The following EDNRB variants were observed in gnomAD, a reference collection of about 807,000 sequenced individuals.
The protein encoded by EDNRB is endothelin receptor type B, also known as Hirschsprung disease 2.
Under a neutral mutation model 46.4 loss-of-function variants are expected in EDNRB, and 18 were observed. The observed-to-expected ratio is 0.39, with a 90% CI of 0.27 to 0.57. The LOEUF (loss-of-function observed/expected upper bound fraction) is 0.57, where lower values mean the gene tolerates loss of function less well. Ranked by LOEUF, EDNRB falls within the 20% of genes least tolerant of loss-of-function variation. The pLI is 0.61. For missense variants in EDNRB, 434 were observed against 537.5 expected, an observed-to-expected ratio of 0.81 and a Z score of 1.90; for synonymous variants, 213 against 204.9, an observed-to-expected ratio of 1.04 and a Z score of -0.34.
At chr13:77,959,324 G>T (rs753974281) in intron 1 of EDNRB, among the ~76,000 whole-genome samples, 6 of 152,152 alleles carry the variant, frequency 3.9e-5, no homozygotes, top group Admixed American at 6.5e-5. Context: ...ACATGGCCAG[G>T]TTCCCCTCTG....
upstream of EDNRB, among the ~76,000 whole-genome samples, chr13:77,921,671 G>A (rs1367107623): frequency 2.0e-5 from 3 of 152,186 alleles, no homozygotes; most frequent in Non-Finnish European, 4.4e-5. Flanking sequence ...TGCAATTGAA[G>A]TTTAACCTTA....
chr13:77,974,617 T>TCTCTCTCTCTCCTCTCTGC (rs1881831139), intron 1 of EDNRB, among the ~76,000 whole-genome samples: 1 of 11,040 alleles, frequency 9.1e-5, no homozygotes, highest in Non-Finnish European at 2.7e-4. Flanking sequence ...CCTCTCTGCC[T>TCTCTCTCTCTCCTCTCTGC]CTCTCTCTCT....
intron 1 of EDNRB, among the ~76,000 whole-genome samples, chr13:77,915,354 G>A (rs1338846034): frequency 6.6e-6 from 1 of 152,148 alleles, no homozygotes; most frequent in Admixed American, 6.5e-5. Flanking sequence ...ATTCTACTGT[G>A]GGATAGCATA....
In EDNRB at chr13:77,918,578, C is replaced by G. The variant is rs372650610; in HGVS notation, c.-5G>C. The G allele has an allele frequency of 6.3e-7, 1 of 1,590,246 alleles. No individual in the cohort carries two copies. Among genetic ancestry groups the G allele is most frequent in the South Asian group, 1.1e-5 (1 of 87,472 alleles). ...CAGACTTGGAGGCGGCTGCATGCTG[C>G]TACCTGCTCCAGAAGGCGTCCGGTG... is the stretch of plus-strand genomic sequence containing the variant. On this transcript the variant is annotated 5_prime_UTR_variant, in exon 1 of 7. Transcript: ENST00000646607. The surrounding 1 kb of genome is among the most constrained non-coding windows in gnomAD (Gnocchi z 4.5).
At chr13:77,900,958 T>C in intron 4 of EDNRB, 100 bp downstream of exon 4, 6 of 1,396,046 alleles carry the variant, frequency 4.3e-6, no homozygotes, top group East Asian at 2.4e-5. Flanking sequence ...AAATATGCTC[T>C]GGTATATAAT....
At chr13:77,945,681 C>A (rs1880883281) in intron 1 of EDNRB, among the ~76,000 whole-genome samples, 1 of 151,970 alleles carries the variant, frequency 6.6e-6, no homozygotes, top group South Asian at 2.1e-4. Context: ...CTTAAATCAA[C>A]AAAAGACATA....
chr13:77,937,067 C>T (rs1880589964), intron 1 of EDNRB, among the ~76,000 whole-genome samples: 1 of 152,136 alleles, frequency 6.6e-6, no homozygotes, highest in Admixed American at 6.5e-5. Flanking sequence ...TGATAAAATG[C>T]ATATTAAGAA....
At chr13:77,972,543 T>C (rs1299178541) in intron 1 of EDNRB, among the ~76,000 whole-genome samples, 1 of 152,174 alleles carries the variant, frequency 6.6e-6, no homozygotes, top group Non-Finnish European at 1.5e-5. Flanking sequence ...GACTCCTGGT[T>C]GGCACTGGGG....
chr13:77,928,590 C>T (rs1000840074), intron 1 of EDNRB, among the ~76,000 whole-genome samples: 7 of 152,162 alleles, frequency 4.6e-5, no homozygotes, highest in African/African-American at 1.4e-4. Flanking sequence ...CCTAACAACA[C>T]ATTTAAGTTT....
Position 77,896,592 on chromosome 13 carries a change from A to G in EDNRB, c.*1608T>C, listed in dbSNP as rs1013529532. On this transcript the variant is annotated 3_prime_UTR_variant, in exon 7 of 7. Coordinates refer to ENST00000646607, the MANE Select transcript of EDNRB (RefSeq NM_001122659.3). ...AGAAAAACAAAGTAAAAATTTGGGC[A>G]TATTTTAAGACCGAGTTAAAGCTCT... The G allele has an allele frequency of 9.1e-6, 14 of 1,544,020 alleles. No individual in the cohort carries two copies. The Admixed American group carries it at 1.8e-4, about 20-fold the overall frequency.
At chr13:77,961,846 T>C (rs948412186) in intron 1 of EDNRB, among the ~76,000 whole-genome samples, 5 of 152,084 alleles carry the variant, frequency 3.3e-5, no homozygotes, top group African/African-American at 1.2e-4. Context: ...CAGGAGCTGG[T>C]TTTTTGAAAA....
At chr13:77,908,289 A>G (rs918097823) in intron 1 of EDNRB, among the ~76,000 whole-genome samples, 8 of 151,970 alleles carry the variant, frequency 5.3e-5, no homozygotes, top group African/African-American at 1.9e-4. Flanking sequence ...ACTCTGTGAC[A>G]GAAACCATGC....
At chr13:77,955,356 A>T (rs1400759143) in intron 1 of EDNRB, among the ~76,000 whole-genome samples, 2 of 152,148 alleles carry the variant, frequency 1.3e-5, no homozygotes, top group African/African-American at 4.8e-5. Flanking sequence ...AGTTTCTTAT[A>T]TACTTTGGAT....
intron 1 of EDNRB, among the ~76,000 whole-genome samples, chr13:77,940,277 AG>A (rs1193409459): frequency 6.6e-6 from 1 of 151,966 alleles, no homozygotes; most frequent in Non-Finnish European, 1.5e-5. Flanking sequence ...AAAAGGACAG[AG>A]GGAAGACATA....
In EDNRB at chr13:77,896,947, A is replaced by C. The variant is rs201829666; in HGVS notation, c.*1253T>G. 9.2e-5 allele frequency: 91 copies of C among 992,726 alleles called. No individual in the cohort carries two copies. In the African/African-American group the frequency reaches 1.2e-3, roughly 13 times the overall value. The allele number at this position is 992,726 out of a possible 1,614,324, so 61.5% of individuals were successfully genotyped here. On this transcript the variant is annotated 3_prime_UTR_variant, in exon 7 of 7. Transcript: ENST00000646607. The stretch of plus-strand genomic sequence containing the variant: ...CTAGATGAAAGAAAAGCACCATGTC[A>C]AGCAAACTTTTCTATTGGCTATTTA...
In EDNRB at chr13:77,962,940, C is replaced by T. The variant is rs1227717848; in HGVS notation, c.-52+12407G>A. On this transcript the variant is annotated intron_variant, in intron 1 of 7. Transcript: ENST00000646948. Reference sequence around the variant, plus strand: ...TCAGCAAAGTCTCAGGATACAAAATCAATGTGCAAAAATCACAAGCATTCT... The same window carrying T: ...TCAGCAAAGTCTCAGGATACAAAATTAATGTGCAAAAATCACAAGCATTCT... Among the ~76,000 whole-genome samples, 4 of 152,160 alleles carry T rather than the reference C, an allele frequency of 2.6e-5. 1 individual carries two copies. Among genetic ancestry groups the T allele is most frequent in the Non-Finnish European group, 4.4e-5 (3 of 68,026 alleles).
At chr13:77,975,079 A>G (rs1015972769) in intron 1 of EDNRB, among the ~76,000 whole-genome samples, 2 of 152,200 alleles carry the variant, frequency 1.3e-5, no homozygotes, top group Non-Finnish European at 2.9e-5. Flanking sequence ...CCAGAAATTC[A>G]AGCCAAGTCA....
chr13:77,963,176 G>T (rs965130684), intron 1 of EDNRB, among the ~76,000 whole-genome samples: 2 of 152,248 alleles, frequency 1.3e-5, no homozygotes, highest in African/African-American at 4.8e-5. Flanking sequence ...AATCAATATC[G>T]TGAAAATGTC....
intron 6 of EDNRB, chr13:77,899,416 CT>C: frequency 1.8e-5 from 1 of 55,042 alleles, no homozygotes; most frequent in South Asian, 2.4e-4. Context: ...AAAACCTAAA[CT>C]ATTTTTTTTT....
Sources: gnomAD v4.1 joint callset for allele counts (sites outside exome capture counted in the v4.1 genomes callset) on GRCh38, gnomAD v4.1.1 for gene constraint, Gnocchi (gnomAD v3.1) non-coding constraint, MANE v1.5 for transcripts, NCBI Gene and HGNC (gene_info 2026-07-23, HGNC 2026-07-21) for gene names.